RIMS2: variants seen among roughly 807,000 people sequenced by gnomAD.
RIMS2 encodes regulating synaptic membrane exocytosis protein 2.
In RIMS2, 59 loss-of-function variants were observed where a neutral mutation model predicts 174.4. That is an observed-to-expected ratio of 0.34 (90% CI 0.27 to 0.42). The LOEUF is 0.42. RIMS2 is among the 10% of genes least tolerant of loss of function. RIMS2 has a pLI of 1.00. For missense variants in RIMS2, 1,620 were observed against 1,666.3 expected (o/e 0.97, Z 0.48); for synonymous variants, 606 against 572.5 (o/e 1.06, Z -0.84).
intron 11 of RIMS2, among the ~76,000 whole-genome samples, chr8:103,929,314 T>C (rs2154531291): frequency 6.6e-6 from 1 of 151,860 alleles, no homozygotes; most frequent in East Asian, 1.9e-4. Context: ...ACTTTTGAAA[T>C]ATATATCTCA....
chr8:103,752,690 A>T (rs78798485), intron 2 of RIMS2, among the ~76,000 whole-genome samples: 59,635 of 151,838 alleles, frequency 0.39, 12,395 homozygotes, highest in East Asian at 0.77. Context: ...ATTCTCTTTG[A>T]AGCAACTGTG....
intron 17 of RIMS2, among the ~76,000 whole-genome samples, chr8:104,002,958 T>G (rs72683135): frequency 0.13 from 19,308 of 152,222 alleles, 1,696 homozygotes; most frequent in Non-Finnish European, 0.19. Flanking sequence ...TGATTCATTG[T>G]GCATTTTTAA....
At chr8:103,905,593 GTTT>G (rs904241797) in intron 4 of RIMS2, among the ~76,000 whole-genome samples, 3 of 150,152 alleles carry the variant, frequency 2.0e-5, no homozygotes, top group Non-Finnish European at 3.0e-5. Flanking sequence ...GTTTTACATA[GTTT>G]TTCAATCTGT....
intron 1 of RIMS2, among the ~76,000 whole-genome samples, chr8:103,666,731 G>A (rs546941393): frequency 1.1e-3 from 169 of 152,202 alleles, no homozygotes; most frequent in African/African-American, 3.6e-3. Flanking sequence ...TAGTGTATGA[G>A]CTCAGTCCAA....
intron 3 of RIMS2, among the ~76,000 whole-genome samples, chr8:103,837,538 T>A (rs569124621): frequency 2.0e-5 from 3 of 152,044 alleles, no homozygotes; most frequent in Non-Finnish European, 4.4e-5. Context: ...CAGACCCCAG[T>A]GTGTGATGTT....
intron 15 of RIMS2, among the ~76,000 whole-genome samples, chr8:103,964,377 A>G (rs2091180271): frequency 6.6e-6 from 1 of 152,140 alleles, no homozygotes; most frequent in African/African-American, 2.4e-5. Context: ...GTATAGTGGT[A>G]TCTTGTTGTT....
In RIMS2 at chr8:104,211,443, G is replaced by A. The variant is rs771101735; in HGVS notation, c.3335-33473G>A. On this transcript the variant is annotated intron_variant, in intron 19 of 23. Transcript: ENST00000504942. ...CAGTCTGGTGATCACCAGGGAGTAC[G>A]ACTTGTGATAAAATTAGACATACAG... Among the ~76,000 whole-genome samples the A allele has an allele frequency of 2.0e-4, 31 of 152,096 alleles. 1 individual carries two copies. The highest frequency in any genetic ancestry group is 2.6e-4 in the Non-Finnish European group (18 of 68,016).
chr8:103,670,501 A>T (rs1325516754), intron 1 of RIMS2, among the ~76,000 whole-genome samples: 2 of 152,192 alleles, frequency 1.3e-5, no homozygotes, highest in African/African-American at 4.8e-5. Flanking sequence ...CTGAACTTTT[A>T]TGCTGTTTCC....
chr8:103,505,772 C>CA (rs1327587795), intron 1 of RIMS2, among the ~76,000 whole-genome samples: 2 of 152,048 alleles, frequency 1.3e-5, no homozygotes, highest in African/African-American at 4.8e-5. Context: ...CAATCTTTAC[C>CA]AATGTTTCAA....
intron 19 of RIMS2, among the ~76,000 whole-genome samples, chr8:104,025,529 G>A (rs2096235019): frequency 6.6e-6 from 1 of 152,092 alleles, no homozygotes; most frequent in African/African-American, 2.4e-5. Flanking sequence ...TTGGGAAGAT[G>A]AAGTGAAACG....
At chr8:103,524,454 C>A (rs981718487) in intron 1 of RIMS2, among the ~76,000 whole-genome samples, 1 of 152,020 alleles carries the variant, frequency 6.6e-6, no homozygotes, top group Non-Finnish European at 1.5e-5. Flanking sequence ...TTAATACATA[C>A]GGAATCAATT....
At chr8:103,980,226 G>T (rs2093780896) in intron 16 of RIMS2, among the ~76,000 whole-genome samples, 1 of 152,162 alleles carries the variant, frequency 6.6e-6, no homozygotes, top group Non-Finnish European at 1.5e-5. Flanking sequence ...GCTTTGTCTT[G>T]CATCTTGCAT....
At chr8:103,874,752 A>G (rs1565046373) in intron 3 of RIMS2, among the ~76,000 whole-genome samples, 3 of 152,182 alleles carry the variant, frequency 2.0e-5, no homozygotes, top group South Asian at 2.1e-4. Context: ...CATCATTCTC[A>G]TGGTCTCAGA....
At chr8:103,950,382 T>G (rs1218186765) in intron 14 of RIMS2, among the ~76,000 whole-genome samples, 1 of 152,060 alleles carries the variant, frequency 6.6e-6, no homozygotes, top group Non-Finnish European at 1.5e-5. Context: ...TTAGAAATAT[T>G]TTGCAAAATA....
chr8:103,942,031 A>G (rs2154538445), intron 13 of RIMS2, among the ~76,000 whole-genome samples: 1 of 152,268 alleles, frequency 6.6e-6, no homozygotes, highest in African/African-American at 2.4e-5. Context: ...ATACATGTGG[A>G]GGTTTGTTAC....
intron 14 of RIMS2, among the ~76,000 whole-genome samples, chr8:103,956,029 G>A (rs2087075481): frequency 1.3e-5 from 2 of 152,062 alleles, no homozygotes; most frequent in Admixed American, 1.3e-4. Context: ...AAGATACGTA[G>A]GAATCCAACT....
At chr8:104,209,603 TG>T (rs1169470305) in intron 19 of RIMS2, among the ~76,000 whole-genome samples, 1 of 152,252 alleles carries the variant, frequency 6.6e-6, no homozygotes, top group African/African-American at 2.4e-5. Flanking sequence ...TTTTGTTTGT[TG>T]TTTGTTGTCT....
At chr8:103,619,457 A>G (rs2095584517) in intron 1 of RIMS2, among the ~76,000 whole-genome samples, 1 of 152,084 alleles carries the variant, frequency 6.6e-6, no homozygotes, top group Non-Finnish European at 1.5e-5. Flanking sequence ...AATATTTGGA[A>G]TATTGGGGAA....
intron 19 of RIMS2, 49 bp downstream of exon 22, chr8:104,041,407 C>A: frequency 4.5e-6 from 3 of 664,564 alleles, no homozygotes; most frequent in Non-Finnish European, 8.2e-6. Context: ...TCTAACTTGT[C>A]CTAGAAATGT....
Sources: allele counts gnomAD v4.1 joint callset (sites outside exome capture counted in the v4.1 genomes callset), GRCh38; gene constraint gnomAD v4.1.1; transcripts MANE v1.5; gene names NCBI Gene and HGNC (gene_info 2026-07-23, HGNC 2026-07-21).